The following NCKAP5 variants were observed in gnomAD, a reference collection of about 807,000 sequenced individuals.
NCKAP5 encodes nck-associated protein 5.
NCKAP5 carries 92 observed loss-of-function variants against 167.0 expected under a neutral mutation model. That is an observed-to-expected ratio of 0.55 (90% CI 0.47 to 0.66). NCKAP5 has a LOEUF of 0.66. NCKAP5 is among the 30% of genes least tolerant of loss of function. The probability of loss-of-function intolerance (pLI) is 0.00; values close to 1 mark genes in which losing one functional copy is unlikely to be tolerated. For synonymous variants in NCKAP5, 891 were observed against 877.4 expected, an observed-to-expected ratio of 1.02 and a Z score of -0.27; for missense variants, 2,378 against 2,315.0, an observed-to-expected ratio of 1.03 and a Z score of -0.56.
intron 3 of NCKAP5, among the ~76,000 whole-genome samples, chr2:133,406,569 A>G (rs1244850145): frequency 6.6e-6 from 1 of 151,032 alleles, no homozygotes; most frequent in East Asian, 1.9e-4. Flanking sequence ...CAAACCAACA[A>G]AAAACTTCCA....
chr2:133,266,666 C>A (rs2089244021), intron 4 of NCKAP5, among the ~76,000 whole-genome samples: 2 of 152,172 alleles, frequency 1.3e-5, no homozygotes, highest in Non-Finnish European at 2.9e-5. Flanking sequence ...AGCGCGGAGG[C>A]AGCCTGGGCC....
chr2:132,677,329 G>C (rs1249282525), intron 19 of NCKAP5, among the ~76,000 whole-genome samples: 1 of 152,038 alleles, frequency 6.6e-6, no homozygotes, highest in Non-Finnish European at 1.5e-5. Flanking sequence ...CCTGCCTTTA[G>C]TGTAACCATG....
intron 6 of NCKAP5, among the ~76,000 whole-genome samples, chr2:133,107,163 C>T (rs1362065293): frequency 2.6e-5 from 4 of 152,286 alleles, no homozygotes; most frequent in South Asian, 2.1e-4. Context: ...AAACTCTTCA[C>T]ACTAGACCCT....
intron 3 of NCKAP5, among the ~76,000 whole-genome samples, chr2:133,508,022 A>T (rs1033242902): frequency 2.6e-5 from 4 of 152,166 alleles, no homozygotes; most frequent in African/African-American, 9.7e-5. Flanking sequence ...AAGATATGAA[A>T]ATGATTTAGC....
chr2:133,280,810 G>A (rs1361589330), intron 4 of NCKAP5, among the ~76,000 whole-genome samples: 1 of 152,140 alleles, frequency 6.6e-6, no homozygotes, highest in African/African-American at 2.4e-5. Flanking sequence ...GGGTGTTCTT[G>A]AGCTAAGATT....
chr2:133,140,102 T>G (rs2082942076), intron 5 of NCKAP5, among the ~76,000 whole-genome samples: 1 of 152,218 alleles, frequency 6.6e-6, no homozygotes, highest in African/African-American at 2.4e-5. Flanking sequence ...TCTTTCTTTG[T>G]TGTCATGTTA....
At chr2:133,142,747 T>C (rs896942069) in intron 5 of NCKAP5, among the ~76,000 whole-genome samples, 2 of 152,106 alleles carry the variant, frequency 1.3e-5, no homozygotes, top group Admixed American at 1.3e-4. Context: ...GATACCAATT[T>C]GTCCAGGGTG....
At chr2:133,487,897 C>G (rs1681054185) in intron 3 of NCKAP5, among the ~76,000 whole-genome samples, 1 of 152,162 alleles carries the variant, frequency 6.6e-6, no homozygotes, top group Non-Finnish European at 1.5e-5. Context: ...ATCACAAATT[C>G]AAGATGGCAG....
chr2:133,420,258 A>G (rs1689387293), intron 3 of NCKAP5, among the ~76,000 whole-genome samples: 1 of 152,244 alleles, frequency 6.6e-6, no homozygotes, highest in Admixed American at 6.5e-5. Context: ...TACTTGTACA[A>G]TGGGGTATTA....
intron 6 of NCKAP5, among the ~76,000 whole-genome samples, chr2:133,097,164 G>T (rs1172112779): frequency 6.6e-6 from 1 of 152,134 alleles, no homozygotes. Flanking sequence ...CTTCACAATG[G>T]CAGGGAGGCA....
At chr2:132,819,406 G>A (rs1686539513) in intron 11 of NCKAP5, among the ~76,000 whole-genome samples, 5 of 152,180 alleles carry the variant, frequency 3.3e-5, no homozygotes, top group Admixed American at 3.3e-4. Context: ...GACCTTAATG[G>A]CATTTTAGCC....
At chr2:133,065,790 C>A (rs2080172666) in intron 6 of NCKAP5, among the ~76,000 whole-genome samples, 1 of 152,154 alleles carries the variant, frequency 6.6e-6, no homozygotes, top group Non-Finnish European at 1.5e-5. Context: ...GAGAGATCAG[C>A]CTCCTCAAAG....
chr2:132,899,826 G>A (rs1693479746), intron 8 of NCKAP5, among the ~76,000 whole-genome samples: 1 of 152,146 alleles, frequency 6.6e-6, no homozygotes, highest in South Asian at 2.1e-4. Context: ...AGTGAGCTGG[G>A]ATTGAGCCAC....
chr2:133,071,476 T>A (rs1455869015), intron 6 of NCKAP5, among the ~76,000 whole-genome samples: 1 of 151,896 alleles, frequency 6.6e-6, no homozygotes, highest in Admixed American at 6.6e-5. Context: ...CAAAAAAAAA[T>A]CACAGTGGCC....
intron 4 of NCKAP5, among the ~76,000 whole-genome samples, chr2:133,224,715 C>G (rs1184215847): frequency 6.6e-6 from 1 of 152,152 alleles, no homozygotes; most frequent in Admixed American, 6.6e-5. Flanking sequence ...TCCTCCTCCT[C>G]TCTGGTACAG....
intron 19 of NCKAP5, among the ~76,000 whole-genome samples, chr2:132,707,959 G>A (rs1401229388): frequency 6.6e-6 from 1 of 152,052 alleles, no homozygotes; most frequent in Non-Finnish European, 1.5e-5. Flanking sequence ...TGATACTGAA[G>A]GGAACCCCCT....
chr2:133,338,454 C>T (rs1435557), intron 3 of NCKAP5, among the ~76,000 whole-genome samples: 466 of 152,330 alleles, frequency 3.1e-3, no homozygotes, highest in Admixed American at 8.4e-3. Flanking sequence ...TCTTATAGTG[C>T]AGCTTTCATT....
chr2:133,286,954 T>C (rs1271995626), intron 4 of NCKAP5, among the ~76,000 whole-genome samples: 2 of 152,238 alleles, frequency 1.3e-5, no homozygotes, highest in South Asian at 2.1e-4. Flanking sequence ...AAGAGGTGTC[T>C]GATCTCTTCC....
chr2:133,436,853 A>C (rs137872020), intron 3 of NCKAP5, among the ~76,000 whole-genome samples: 1 of 152,034 alleles, frequency 6.6e-6, no homozygotes, highest in South Asian at 2.1e-4. Context: ...GTTTTCTCAG[A>C]GCATGTATGG....
Sources: gnomAD v4.1 joint callset for allele counts (sites outside exome capture counted in the v4.1 genomes callset) on GRCh38, gnomAD v4.1.1 for gene constraint, MANE v1.5 for transcripts, NCBI Gene and HGNC (gene_info 2026-07-23, HGNC 2026-07-21) for gene names.